Variants in SLCO3A1 observed in about 807,000 individuals in gnomAD.
SLCO3A1 encodes PGE1 transporter.
A neutral mutation model predicts 63.1 loss-of-function variants in SLCO3A1; 27 were observed. That is an observed-to-expected ratio of 0.43 (90% confidence interval 0.32 to 0.59). The LOEUF (loss-of-function observed/expected upper bound fraction) is 0.59, where lower values mean the gene tolerates loss of function less well. Ranked by LOEUF, SLCO3A1 falls within the 20% of genes least tolerant of loss-of-function variation. SLCO3A1 has a pLI of 0.09. For synonymous variants in SLCO3A1, 473 were observed against 409.9 expected (o/e 1.15, Z -1.86); for missense variants, 773 against 945.8 (o/e 0.82, Z 2.40).
chr15:92,034,075 A>C (rs569236142), intron 2 of SLCO3A1, among the ~76,000 whole-genome samples: 1 of 146,866 alleles, frequency 6.8e-6, no homozygotes, highest in Admixed American at 6.8e-5. Flanking sequence ...GGTGCTGAGC[A>C]GAGAAGCGAC....
chr15:91,901,457 G>A (rs1356418285), intron 1 of SLCO3A1, among the ~76,000 whole-genome samples: 1 of 152,160 alleles, frequency 6.6e-6, no homozygotes, highest in Admixed American at 6.5e-5. Context: ...GTATATCTTA[G>A]TGTATATTTG....
chr15:92,016,409 C>T (rs1309411861), intron 2 of SLCO3A1, among the ~76,000 whole-genome samples: 2 of 152,074 alleles, frequency 1.3e-5, no homozygotes, highest in South Asian at 2.1e-4. Flanking sequence ...AAACAATCCC[C>T]CCAACTCAGC....
intron 1 of SLCO3A1, among the ~76,000 whole-genome samples, chr15:91,901,542 A>G (rs140805152): frequency 0.013 from 1,991 of 152,334 alleles, 97 homozygotes; most frequent in Admixed American, 0.07. Flanking sequence ...ATTTGCTAGC[A>G]GTGAATCCCC....
intron 2 of SLCO3A1, among the ~76,000 whole-genome samples, chr15:91,985,144 G>A (rs1488071842): frequency 1.3e-5 from 2 of 151,960 alleles, no homozygotes; most frequent in African/African-American, 4.8e-5. Context: ...CCAAAGTAAC[G>A]CCCAAAGTAA....
intron 4 of SLCO3A1, among the ~76,000 whole-genome samples, chr15:92,115,260 A>G (rs1336340312): frequency 1.3e-5 from 2 of 152,028 alleles, no homozygotes; most frequent in African/African-American, 4.8e-5. Flanking sequence ...CTCTGGAGGT[A>G]GGAGCTCTTC....
intron 2 of SLCO3A1, among the ~76,000 whole-genome samples, chr15:91,975,684 G>A (rs779233552): frequency 1.1e-4 from 17 of 152,222 alleles, no homozygotes; most frequent in Admixed American, 2.6e-4. Context: ...TCAGACGTGC[G>A]TCTGCACTGC....
rs1409333854 is a variant in SLCO3A1, at chr15:91,948,943, A to G, written c.646+32485A>G. ...ATACTTTGGTTTTTTTTTTTTTACT[A>G]TTATTTCTGCTTACCTCACCTTTTG... On this transcript the variant is annotated intron_variant, in intron 2 of 9. Coordinates refer to ENST00000318445, the MANE Select transcript of SLCO3A1 (RefSeq NM_013272.4). The surrounding 1 kb of genome is among the most constrained non-coding windows in gnomAD (Gnocchi z 4.8). Among the ~76,000 whole-genome samples the G allele has an allele frequency of 1.3e-5, 2 of 149,676 alleles. No individual in the cohort carries two copies. Among genetic ancestry groups the G allele is most frequent in the African/African-American group, 4.9e-5 (2 of 40,526 alleles).
At chr15:91,978,937 C>T (rs1901225484) in intron 2 of SLCO3A1, among the ~76,000 whole-genome samples, 1 of 152,250 alleles carries the variant, frequency 6.6e-6, no homozygotes, top group Admixed American at 6.5e-5. Flanking sequence ...TAAGCTACTG[C>T]TCATACCTAC....
At chr15:92,010,509 T>A (rs1338247782) in intron 2 of SLCO3A1, among the ~76,000 whole-genome samples, 1 of 152,210 alleles carries the variant, frequency 6.6e-6, no homozygotes, top group Non-Finnish European at 1.5e-5. Context: ...CAATGGCATA[T>A]TGATTGGTGT....
Position 92,104,409 on chromosome 15 carries a change from C to G in SLCO3A1, c.876C>G (p.His292Gln). ...GGTTTCCACAGTCCCTGCCCCCGCACTCAGAGCCCGCCATGGAAAGCGAGC... is the reference window on the plus strand; with the variant it reads ...GGTTTCCACAGTCCCTGCCCCCGCAGTCAGAGCCCGCCATGGAAAGCGAGC... ...MFGFPQSLPP[H>Q]SEPAMESEQA... Residue 292 changes from histidine to glutamine, a missense_variant, in exon 4 of 10, where the codon CAC becomes CAG. Around this residue, in one of 3 missense-constraint regions of SLCO3A1, gnomAD observed 565 missense variants for 749.8 expected, o/e 0.75. Coordinates refer to ENST00000318445, the MANE Select transcript of SLCO3A1 (RefSeq NM_013272.4). The G allele has an allele frequency of 6.2e-7, 1 of 1,614,188 alleles. No homozygotes were observed. The highest frequency in any genetic ancestry group is 2.2e-5 in the East Asian group (1 of 44,882).
intron 2 of SLCO3A1, among the ~76,000 whole-genome samples, chr15:92,014,532 C>T (rs901259438): frequency 7.2e-5 from 11 of 152,098 alleles, no homozygotes; most frequent in Non-Finnish European, 1.3e-4. Context: ...AAACACTACT[C>T]AGAAAAAGGG....
chr15:91,957,141 ATTATAATATATATATATATTT>A (rs1900265446), intron 2 of SLCO3A1, among the ~76,000 whole-genome samples: 1 of 8,510 alleles, frequency 1.2e-4, no homozygotes, highest in African/African-American at 1.2e-3. Flanking sequence ...TATACTATAT[ATTATAATATATATATATATTT>A]TTTTTTTTAG....
At chr15:91,949,267 A>G (rs759751575) in intron 2 of SLCO3A1, among the ~76,000 whole-genome samples, 1 of 152,134 alleles carries the variant, frequency 6.6e-6, no homozygotes, top group Non-Finnish European at 1.5e-5. Flanking sequence ...TGGCTCCACC[A>G]TTTCCTGGCT....
rs559195603 is a variant in SLCO3A1 at position 92,121,865 on chromosome 15, A to C, written c.1174+1236A>C. Among the ~76,000 whole-genome samples the C allele has an allele frequency of 2.0e-5, 3 of 152,296 alleles. No individual in the cohort carries two copies. The South Asian group carries it at 6.2e-4, about 32-fold the overall frequency. On this transcript the variant is annotated intron_variant, in intron 5 of 9. Coordinates refer to ENST00000318445, the MANE Select transcript of SLCO3A1 (RefSeq NM_013272.4). ...GCAGTCAAGCAAGGTGAGGGCCCAA[A>C]TGTCTCTGTTGGCTTTAATGATGAG...
intron 5 of SLCO3A1, among the ~76,000 whole-genome samples, chr15:92,123,592 T>G (rs118167195): frequency 0.023 from 3,539 of 152,210 alleles, 64 homozygotes; most frequent in Admixed American, 0.042. Flanking sequence ...ATTGGCAAAA[T>G]GCAGTCAGCC....
chr15:92,156,011 C>T (rs1390066102), intron 9 of SLCO3A1, among the ~76,000 whole-genome samples: 3 of 152,154 alleles, frequency 2.0e-5, no homozygotes, highest in Admixed American at 2.0e-4. Context: ...AGGCAGGGGT[C>T]ATTCCTGAGC....
At chr15:92,081,767 C>T (rs2047349300) in intron 2 of SLCO3A1, among the ~76,000 whole-genome samples, 1 of 152,216 alleles carries the variant, frequency 6.6e-6, no homozygotes, top group African/African-American at 2.4e-5. Context: ...GTAGAATCAC[C>T]TGGGGACTTT....
chr15:92,039,327 G>A lies in SLCO3A1; in HGVS notation c.647-55554G>A, dbSNP rs556282760. On this transcript the variant is annotated intron_variant, in intron 2 of 9. Transcript: ENST00000318445. ...GGAAGAAAAATTTTGCAATCTACCC[G>A]TCTGACAAAGATCTGATATCCAGAA... Among the ~76,000 whole-genome samples the A allele has an allele frequency of 2.0e-4, 30 of 152,144 alleles. 1 individual carries two copies. In the South Asian group the frequency reaches 3.9e-3, roughly 20 times the overall value.
intron 9 of SLCO3A1, among the ~76,000 whole-genome samples, chr15:92,154,465 A>G (rs1287077472): frequency 6.6e-6 from 1 of 152,186 alleles, no homozygotes; most frequent in Admixed American, 6.5e-5. Context: ...CTTTAATTTT[A>G]TTAGTTTTCA....
Sources: allele counts gnomAD v4.1 joint callset (sites outside exome capture counted in the v4.1 genomes callset), GRCh38; gene constraint gnomAD v4.1.1; regional missense constraint gnomAD v4.1.1; non-coding constraint Gnocchi (gnomAD v3.1); transcripts MANE v1.5; gene names NCBI Gene and HGNC (gene_info 2026-07-23, HGNC 2026-07-21).